The following DCBLD2 variants were observed in gnomAD, a reference collection of about 807,000 sequenced individuals.
DCBLD2 encodes discoidin, CUB and LCCL domain-containing protein 2.
In DCBLD2, 54 loss-of-function variants were observed where a neutral mutation model predicts 86.8. The ratio of observed to expected loss-of-function variants is 0.62; its 90% CI spans 0.50 to 0.78. The LOEUF (loss-of-function observed/expected upper bound fraction) is 0.78, where lower values mean the gene tolerates loss of function less well. DCBLD2 is among the 30% of genes least tolerant of loss of function. The pLI is 0.00. For missense variants in DCBLD2, 908 were observed against 954.2 expected (o/e 0.95, Z 0.64); for synonymous variants, 354 against 341.3 (o/e 1.04, Z -0.41).
chr3:98,859,809 C>G (rs180866624), intron 2 of DCBLD2, among the ~76,000 whole-genome samples: 5 of 152,314 alleles, frequency 3.3e-5, no homozygotes, highest in Non-Finnish European at 5.9e-5. Context: ...TTCTAAAAAT[C>G]AGAGCACCTC....
At chr3:98,802,509 G>T (rs1941747753) in intron 13 of DCBLD2, among the ~76,000 whole-genome samples, 1 of 152,104 alleles carries the variant, frequency 6.6e-6, no homozygotes, top group Non-Finnish European at 1.5e-5. Flanking sequence ...TAGGTTGCCT[G>T]CTCACTTTGA....
At chr3:98,836,728 A>C (rs1179204900) in intron 3 of DCBLD2, among the ~76,000 whole-genome samples, 1 of 25,058 alleles carries the variant, frequency 4.0e-5, no homozygotes, top group Non-Finnish European at 1.2e-4. Flanking sequence ...GGGGGGGCTG[A>C]CCCCCCCATC....
chr3:98,865,617 G>A (rs943426001), intron 2 of DCBLD2, among the ~76,000 whole-genome samples: 3 of 152,224 alleles, frequency 2.0e-5, no homozygotes, highest in East Asian at 1.9e-4. Flanking sequence ...CGTTAAGTAC[G>A]TGAGGTAATG....
At chr3:98,801,677 A>C (rs755357390) in intron 13 of DCBLD2, 28 bp from the exon 14 acceptor site, 3 of 1,574,932 alleles carry the variant, frequency 1.9e-6, no homozygotes, top group Non-Finnish European at 2.6e-6. Context: ...AGAAGTTAGC[A>C]AACAGAGTAA....
At chr3:98,894,750 G>A (rs902036534) in intron 1 of DCBLD2, among the ~76,000 whole-genome samples, 3 of 152,056 alleles carry the variant, frequency 2.0e-5, no homozygotes, top group South Asian at 2.1e-4. Context: ...AGTGCATGCC[G>A]GTGCCAAGGG....
In DCBLD2 at chr3:98,799,540, G is replaced by A; in HGVS notation, c.2160C>T (p.Ser720=). ...PLVGTYNTLL[S]RTDSCSSAQA... is the part of the protein sequence containing the mutation. ...GGGCTGAGGAGCAGCTGTCAGTCCT[G>A]GAGAGAAGTGTATTGTAAGTTCCCA... The change falls in exon 16 of 16, where the codon TCC becomes TCT. Residue 720 remains serine (S), a synonymous_variant. Transcript: ENST00000326840. 1 of 1,613,930 alleles carries A rather than the reference G, an allele frequency of 6.2e-7. No homozygotes were observed. The highest frequency in any genetic ancestry group is 8.5e-7 in the Non-Finnish European group (1 of 1,179,882).
intron 1 of DCBLD2, among the ~76,000 whole-genome samples, chr3:98,894,143 G>A (rs2107532811): frequency 6.6e-6 from 1 of 152,264 alleles, no homozygotes; most frequent in Non-Finnish European, 1.5e-5. Context: ...CCTAGTGACA[G>A]ACAAATGAAC....
chr3:98,861,179 C>T (rs1324278087), intron 2 of DCBLD2, among the ~76,000 whole-genome samples: 1 of 152,150 alleles, frequency 6.6e-6, no homozygotes, highest in Non-Finnish European at 1.5e-5. Context: ...AGCTAACTAT[C>T]CTAAATATAT....
intron 2 of DCBLD2, among the ~76,000 whole-genome samples, chr3:98,861,698 A>G (rs1291234281): frequency 6.6e-6 from 1 of 152,212 alleles, no homozygotes; most frequent in Non-Finnish European, 1.5e-5. Flanking sequence ...GACACAACAT[A>G]CCAGAATCTC....
chr3:98,856,569 T>C (rs897232200), intron 2 of DCBLD2, among the ~76,000 whole-genome samples: 23 of 151,960 alleles, frequency 1.5e-4, no homozygotes, highest in African/African-American at 5.1e-4. Context: ...TCTCCCCCTA[T>C]AAAAACAGTG....
chr3:98,860,663 C>A (rs984403928), intron 2 of DCBLD2, among the ~76,000 whole-genome samples: 4 of 152,176 alleles, frequency 2.6e-5, no homozygotes, highest in African/African-American at 9.7e-5. Context: ...ACTTTACAGA[C>A]AAGCAAACGC....
chr3:98,878,307 C>T (rs1002227620), intron 2 of DCBLD2, among the ~76,000 whole-genome samples: 1 of 152,066 alleles, frequency 6.6e-6, no homozygotes, highest in African/African-American at 2.4e-5. Context: ...CTGAGAACAG[C>T]GCATCTGTGG....
intron 1 of DCBLD2, among the ~76,000 whole-genome samples, chr3:98,898,451 C>T (rs1343779146): frequency 6.6e-6 from 1 of 150,726 alleles, no homozygotes; most frequent in Non-Finnish European, 1.5e-5. Context: ...ATCAAAGAAA[C>T]CTTTTTTGCA....
intron 3 of DCBLD2, among the ~76,000 whole-genome samples, chr3:98,838,835 A>AG (rs1425706649): frequency 6.6e-6 from 1 of 152,096 alleles, no homozygotes; most frequent in African/African-American, 2.4e-5. Flanking sequence ...ACTCGCGGTT[A>AG]GGGGCTGGAG....
At chr3:98,877,188 G>A (rs577746745) in intron 2 of DCBLD2, among the ~76,000 whole-genome samples, 2 of 152,154 alleles carry the variant, frequency 1.3e-5, no homozygotes, top group South Asian at 4.1e-4. Flanking sequence ...CAAGGATAAA[G>A]AAAAAACCTA....
chr3:98,822,291 A>G lies in DCBLD2; in HGVS notation c.767T>C (p.Val256Ala), dbSNP rs775449156. ...ATAGGGGATACCTTTACTAATTACA[A>G]CACTGATTTGGCCGCCCAACGTGTT... ...VSNTLGGQIS[V>A]VISKGIPYYE... Residue 256 changes from valine (V) to alanine (A), a missense_variant, in exon 6 of 16, where the codon GTT (valine) becomes GCT (alanine). By Grantham distance (64) the Val-to-Ala change is moderately conservative. Transcript: ENST00000326840. 1 of 1,613,964 alleles carries G rather than the reference A, an allele frequency of 6.2e-7. No individual in the cohort carries two copies. Among genetic ancestry groups the G allele is most frequent in the Non-Finnish European group, 8.5e-7 (1 of 1,179,870 alleles).
intron 5 of DCBLD2, 147 bp from the exon 6 acceptor site, chr3:98,822,508 AAC>A (rs1183215937): frequency 7.8e-7 from 1 of 1,289,074 alleles, no homozygotes; most frequent in Non-Finnish European, 1.0e-6. Context: ...ACTGTAACAC[AAC>A]AGTTTTAGCA....
chr3:98,833,262 G>A (rs1942355873), intron 3 of DCBLD2, among the ~76,000 whole-genome samples: 1 of 152,164 alleles, frequency 6.6e-6, no homozygotes, highest in South Asian at 2.1e-4. Flanking sequence ...TTCTTGTAGT[G>A]TGTTTTTCAG....
Position 98,799,847 on chromosome 3 carries a change from G to C in DCBLD2, c.1859-6C>G, listed in dbSNP as rs139432416. 1.6e-3 allele frequency: 2,623 copies of C among 1,591,246 alleles called. 1 individual carries two copies. The highest frequency in any genetic ancestry group is 6.2e-3 in the Admixed American group (352 of 57,052). ...TACCAGTGGCTGAGCATACTCTGTGGATATCACAAAACAACAGAAAAGTCA... is the reference window on the plus strand; with the variant it reads ...TACCAGTGGCTGAGCATACTCTGTGCATATCACAAAACAACAGAAAAGTCA... On this transcript the variant is annotated splice_polypyrimidine_tract_variant and splice_region_variant and intron_variant, in intron 15 of 15. Coordinates refer to ENST00000326840, the MANE Select transcript of DCBLD2 (RefSeq NM_080927.4).
Sources: gnomAD v4.1 joint callset for allele counts (sites outside exome capture counted in the v4.1 genomes callset) on GRCh38, gnomAD v4.1.1 for gene constraint, MANE v1.5 for transcripts, NCBI Gene and HGNC (gene_info 2026-07-23, HGNC 2026-07-21) for gene names.